PCDHA10: variants seen among roughly 807,000 people sequenced by gnomAD.
The protein encoded by PCDHA10 is protocadherin alpha 10, also known as protocadherin alpha-10.
In PCDHA10, 45 loss-of-function variants were observed where a neutral mutation model predicts 61.2. The observed-to-expected ratio is 0.74, with a 90% CI of 0.58 to 0.94. The LOEUF is 0.94. Ranked by LOEUF, PCDHA10 falls within the 40% of genes least tolerant of loss-of-function variation. PCDHA10 has a pLI of 0.00. For missense variants in PCDHA10, 1,278 were observed against 1,236.2 expected (o/e 1.03, Z -0.51); for synonymous variants, 602 against 548.8 (o/e 1.10, Z -1.35).
At chr5:140,964,753 T>A (rs1411001872) in intron 1 of PCDHA10, among the ~76,000 whole-genome samples, 1 of 149,084 alleles carries the variant, frequency 6.7e-6, no homozygotes, top group East Asian at 1.9e-4. Context: ...TGTAGGGATG[T>A]TTGGGGAGGA....
chr5:140,869,451 T>C, intron 1 of PCDHA10: 1 of 1,614,146 alleles, frequency 6.2e-7, no homozygotes, highest in Non-Finnish European at 8.5e-7. Context: ...CGCTGCAGGT[T>C]TTCCATGTGA....
At chr5:140,930,649 G>A (rs1300720133) in intron 1 of PCDHA10, among the ~76,000 whole-genome samples, 1 of 152,156 alleles carries the variant, frequency 6.6e-6, no homozygotes, top group Non-Finnish European at 1.5e-5. Context: ...GGAAAATGAA[G>A]CATTCCTTGT....
Position 140,877,150 on chromosome 5 carries a change from G to C in PCDHA10, c.2388+18714G>C, listed in dbSNP as rs370292278. On this transcript the variant is annotated intron_variant, in intron 1 of 3. Transcript: ENST00000307360. ...GCAGGTGTTCGTGCTGGACGAGAAC[G>C]ACAACGCGCCGGCACTGCTGGCGAC... 1 of 1,613,790 alleles carries C rather than the reference G, an allele frequency of 6.2e-7. No individual in the cohort carries two copies. The highest frequency in any genetic ancestry group is 2.2e-5 in the East Asian group (1 of 44,870).
At chr5:140,977,816 T>C (rs2096776197) in intron 1 of PCDHA10, among the ~76,000 whole-genome samples, 1 of 152,190 alleles carries the variant, frequency 6.6e-6, no homozygotes, top group Non-Finnish European at 1.5e-5. Flanking sequence ...TTATTGACAG[T>C]TTTGAATGGT....
intron 1 of PCDHA10, among the ~76,000 whole-genome samples, chr5:140,909,531 G>A (rs2074565633): frequency 6.6e-6 from 1 of 152,160 alleles, no homozygotes. Flanking sequence ...CACATTTTGA[G>A]TCCTTGATGG....
At chr5:140,960,436 G>C (rs2095548378) in intron 1 of PCDHA10, among the ~76,000 whole-genome samples, 1 of 152,180 alleles carries the variant, frequency 6.6e-6, no homozygotes. Context: ...TGATACTCTA[G>C]ATATATGTAT....
intron 1 of PCDHA10, chr5:140,881,421 C>G: frequency 1.1e-6 from 1 of 907,614 alleles, no homozygotes; most frequent in South Asian, 5.1e-5. Context: ...GATATTAGTT[C>G]CAGGCATATT....
intron 1 of PCDHA10, chr5:140,881,246 G>A (rs1006093115): frequency 4.8e-6 from 2 of 415,054 alleles, no homozygotes; most frequent in Non-Finnish European, 6.5e-6. Flanking sequence ...TTAAATGACG[G>A]CAAGGTTTTA....
intron 1 of PCDHA10, among the ~76,000 whole-genome samples, chr5:140,886,842 AAAAAAG>A (rs1562824849): frequency 6.6e-6 from 1 of 151,524 alleles, no homozygotes. Flanking sequence ...AAAAAAAAAA[AAAAAAG>A]AAAGGTCTTC....
intron 1 of PCDHA10, among the ~76,000 whole-genome samples, chr5:140,879,652 TAACA>T (rs2058069934): frequency 6.6e-6 from 1 of 152,226 alleles, no homozygotes; most frequent in African/African-American, 2.4e-5. Context: ...GTGGCTGCTA[TAACA>T]AACGAACACA....
intron 1 of PCDHA10, among the ~76,000 whole-genome samples, chr5:140,903,809 G>A (rs1004701576): frequency 2.0e-5 from 3 of 152,080 alleles, no homozygotes; most frequent in African/African-American, 7.2e-5. Flanking sequence ...GACAAGTATA[G>A]TTCTCACATG....
At chr5:140,879,876 A>G (rs1326051828) in intron 1 of PCDHA10, among the ~76,000 whole-genome samples, 1 of 152,126 alleles carries the variant, frequency 6.6e-6, no homozygotes, top group Non-Finnish European at 1.5e-5. Flanking sequence ...TCATGGTCAC[A>G]TTGCCTCCTC....
intron 1 of PCDHA10, among the ~76,000 whole-genome samples, chr5:140,944,319 C>T (rs1386940921): frequency 6.6e-6 from 1 of 152,104 alleles, no homozygotes. Context: ...TCCTGAGTAG[C>T]TGGGATTACA....
intron 1 of PCDHA10, chr5:140,877,837 G>A (rs1313925880): frequency 6.3e-7 from 1 of 1,585,240 alleles, no homozygotes; most frequent in African/African-American, 1.4e-5. Context: ...TCCTCCCAGT[G>A]AAGTAAGTTA....
At chr5:140,993,460 T>TCACA (rs1554253699) in intron 3 of PCDHA10, among the ~76,000 whole-genome samples, 76 of 104,564 alleles carry the variant, frequency 7.3e-4, no homozygotes, top group Admixed American at 2.0e-3. Context: ...CTTCTTTCTT[T>TCACA]CTCACACACA....
intron 1 of PCDHA10, chr5:140,865,001 C>T (rs185152337): frequency 6.6e-6 from 1 of 152,206 alleles, no homozygotes; most frequent in East Asian, 1.9e-4. Flanking sequence ...AGTTTGAGAC[C>T]AGCCTCGGCA....
chr5:140,870,853 G>C (rs1554164757), intron 1 of PCDHA10: 2 of 1,613,888 alleles, frequency 1.2e-6, no homozygotes, highest in South Asian at 2.2e-5. Context: ...ACCGCGGTCG[G>C]TGGGTGCGGG....
chr5:140,975,840 A>G (rs1387222678), intron 1 of PCDHA10, among the ~76,000 whole-genome samples: 2 of 152,202 alleles, frequency 1.3e-5, no homozygotes, highest in African/African-American at 2.4e-5. Context: ...CTTATTCTTC[A>G]GTAATACTAC....
intron 1 of PCDHA10, chr5:140,868,770 T>C (rs936187064): frequency 1.9e-5 from 5 of 257,030 alleles, no homozygotes; most frequent in Non-Finnish European, 3.7e-5. Flanking sequence ...TTAGTTTCAA[T>C]ATGACTTATA....
Sources: gnomAD v4.1 joint callset for allele counts (sites outside exome capture counted in the v4.1 genomes callset) on GRCh38, gnomAD v4.1.1 for gene constraint, MANE v1.5 for transcripts, NCBI Gene and HGNC (gene_info 2026-07-23, HGNC 2026-07-21) for gene names.